ZNF518A: variants seen among roughly 807,000 people sequenced by gnomAD.
ZNF518A encodes zinc finger protein 518.
In ZNF518A, 47 loss-of-function variants were observed where a neutral mutation model predicts 102.7. That is an observed-to-expected ratio of 0.46 (90% CI 0.36 to 0.58). The LOEUF (loss-of-function observed/expected upper bound fraction) is 0.58. Ranked by LOEUF, ZNF518A falls within the 20% of genes least tolerant of loss-of-function variation. The pLI, the probability that ZNF518A is intolerant of heterozygous loss-of-function variation, is 0.00. For missense variants in ZNF518A, 1,793 were observed against 1,699.8 expected (o/e 1.05, Z -0.96); for synonymous variants, 652 against 594.6 (o/e 1.10, Z -1.40).
rs912395457 is a variant in ZNF518A, at chr10:96,162,463, G to A, written c.*1689G>A. On this transcript the variant is annotated 3_prime_UTR_variant, in exon 6 of 6. Coordinates refer to ENST00000316045, the MANE Select transcript of ZNF518A (RefSeq NM_001330736.2). ...CCCAAATGGGCCCATTCCCCTAATA[G>A]TTTTATTTTTAAAGAAAGCCATACA... The A allele has an allele frequency of 6.0e-6, 1 of 166,862 alleles. No homozygotes were observed. Among genetic ancestry groups the A allele is most frequent in the Non-Finnish European group, 1.5e-5 (1 of 68,008 alleles). The allele number at this position is 166,862 out of a possible 1,614,324, so 10.3% of individuals were successfully genotyped here.
intron 1 of ZNF518A, among the ~76,000 whole-genome samples, chr10:96,194,074 A>G (rs1257631498): frequency 1.3e-5 from 2 of 152,184 alleles, no homozygotes; most frequent in Non-Finnish European, 2.9e-5. Flanking sequence ...TCTAAAGTGG[A>G]GATGAAGATT....
chr10:96,134,367 A>G (rs1421155295), intron 3 of ZNF518A, among the ~76,000 whole-genome samples: 2 of 152,034 alleles, frequency 1.3e-5, no homozygotes, highest in African/African-American at 4.8e-5. Context: ...AGTAGCTGGG[A>G]CTATAGGCGC....
chr10:96,169,613 A>C (rs1026663753), intron 1 of ZNF518A, among the ~76,000 whole-genome samples: 2 of 152,176 alleles, frequency 1.3e-5, no homozygotes, highest in African/African-American at 4.8e-5. Context: ...CTTTGAACAT[A>C]TTTAAGATAG....
At chr10:96,181,493 T>C (rs2133892991) in intron 1 of ZNF518A, among the ~76,000 whole-genome samples, 1 of 152,352 alleles carries the variant, frequency 6.6e-6, no homozygotes, top group Non-Finnish European at 1.5e-5. Flanking sequence ...AACATGTAAG[T>C]CTTTAATCCA....
rs1308348278 is a variant in ZNF518A, at chr10:96,159,052, A to G, written c.2730A>G (p.Gln910=). The change falls in exon 6 of 6, where the codon CAA becomes CAG. Residue 910 remains glutamine (Q), a synonymous_variant. Transcript: ENST00000316045. ...AAGACAAACTACGAGCCACCACACA[A>G]AATTTAGGTTCTTTTTATATGCAGA... is the stretch of plus-strand genomic sequence containing the variant. ...LVKDKLRATT[Q]NLGSFYMQSP... is the part of the protein sequence containing the mutation. 3.7e-6 allele frequency: 6 copies of G among 1,613,500 alleles called. No individual in the cohort carries two copies. Among genetic ancestry groups the G allele is most frequent in the Non-Finnish European group, 5.1e-6 (6 of 1,179,742 alleles).
intron 1 of ZNF518A, chr10:96,190,273 A>G: frequency 1.4e-6 from 1 of 699,110 alleles, no homozygotes; most frequent in South Asian, 1.4e-5. Context: ...ATAAACGACC[A>G]CTGCTCAAGA....
chr10:96,158,832 G>A lies in ZNF518A; in HGVS notation c.2510G>A (p.Gly837Asp), dbSNP rs1554885157. The A allele has an allele frequency of 1.2e-6, 2 of 1,613,734 alleles. No homozygotes were observed. The change falls in exon 6 of 6, where the codon GGC becomes GAC. Residue 837 changes from glycine to aspartate, a missense_variant. Physicochemically the swap from Gly to Asp is moderately conservative, Grantham distance 94 (BLOSUM62 -1). Around this residue, in one of 3 missense-constraint regions of ZNF518A, gnomAD observed 1,741 missense variants for 1,622.6 expected, o/e 1.07. Coordinates refer to ENST00000316045, the MANE Select transcript of ZNF518A (RefSeq NM_001330736.2). ...TCTTCGAAAGATTTCAAAGTGCAAG[G>A]CATCTTCCCAGTTCCACCTGGCAGT... is the stretch of plus-strand genomic sequence containing the variant. ...VESSKDFKVQ[G>D]IFPVPPGSVG...
In ZNF518A at chr10:96,159,926, C is replaced by G. The variant is rs782379254; in HGVS notation, c.3604C>G (p.Pro1202Ala). ...ALPFLLDDLMPANEIVITSTA... is the reference protein window; with the variant it reads ...ALPFLLDDLMAANEIVITSTA... Reference sequence around the variant, plus strand: ...ACCCTTCTTACTAGATGACTTAATGCCAGCAAATGAAATTGTGATAACTTC... The same window carrying G: ...ACCCTTCTTACTAGATGACTTAATGGCAGCAAATGAAATTGTGATAACTTC... Residue 1202 changes from proline to alanine, a missense_variant, in exon 6 of 6, where the codon CCA becomes GCA. Physicochemically the swap from Pro to Ala is conservative, Grantham distance 27. Coordinates refer to ENST00000316045, the MANE Select transcript of ZNF518A (RefSeq NM_001330736.2). The G allele has an allele frequency of 6.2e-7, 1 of 1,613,372 alleles. No homozygotes were observed. Among genetic ancestry groups the G allele is most frequent in the Admixed American group, 1.7e-5 (1 of 59,952 alleles).
At chr10:96,193,181 T>C (rs1446475328) in intron 1 of ZNF518A, among the ~76,000 whole-genome samples, 2 of 152,256 alleles carry the variant, frequency 1.3e-5, no homozygotes, top group Non-Finnish European at 2.9e-5. Context: ...CTTTACTTCC[T>C]ATTCAATCAT....
At chr10:96,168,213 C>T (rs1452655098), downstream of ZNF518A, among the ~76,000 whole-genome samples, 8 of 152,170 alleles carry the variant, frequency 5.3e-5, no homozygotes, top group Non-Finnish European at 1.0e-4. Flanking sequence ...GAGTGAGAGG[C>T]CCAGAGGTTG....
chr10:96,190,325 CT>C lies in ZNF518A; in HGVS notation n.36-13248del. ...TGGAATCACGCCAGTAGTATTGTTC[CT>C]GTGTGTCTCTTCATATAGTCTTCTC... is the stretch of plus-strand genomic sequence containing the variant. On this transcript the variant is annotated intron_variant and non_coding_transcript_variant, in intron 1 of 2. Transcript: ENST00000442635. 3 of 574,620 alleles carry C rather than the reference CT, an allele frequency of 5.2e-6. No homozygotes were observed. The South Asian group carries it at 5.5e-5, about 11-fold the overall frequency. 35.6% of individuals were successfully genotyped at this position (574,620 alleles called of 1,614,324 possible).
intron 1 of ZNF518A, 107 bp from the exon 2 acceptor site, chr10:96,132,479 T>G (rs1161898986): frequency 4.4e-5 from 5 of 113,650 alleles, no homozygotes; most frequent in Non-Finnish European, 7.6e-5. Context: ...TTTTTCTTAG[T>G]TTTTTTTTTT....
intron 1 of ZNF518A, among the ~76,000 whole-genome samples, chr10:96,191,352 T>G (rs1419440613): frequency 6.6e-6 from 1 of 151,846 alleles, no homozygotes; most frequent in African/African-American, 2.4e-5. Flanking sequence ...GATAGACATG[T>G]AGATCAAAGA....
exon 3 of ZNF518A, chr10:96,204,026 C>T (rs2083729203): frequency 6.2e-7 from 1 of 1,600,800 alleles, no homozygotes; most frequent in East Asian, 2.2e-5. Context: ...CGACCACTCC[C>T]TGATACACTA....
intron 1 of ZNF518A, among the ~76,000 whole-genome samples, chr10:96,178,775 A>G (rs189768074): frequency 2.9e-4 from 44 of 152,192 alleles, no homozygotes; most frequent in Admixed American, 1.2e-3. Flanking sequence ...AAAGCATTAT[A>G]TTAGAATATA....
rs587653648 is a variant in ZNF518A, at chr10:96,143,390, C to G, written c.-302+9742C>G. Reference sequence around the variant, plus strand: ...CCCCATCATGCATTCTCTTTTTCATCTAGACCCTGTGGTACCTTAGGAGAA... The same window carrying G: ...CCCCATCATGCATTCTCTTTTTCATGTAGACCCTGTGGTACCTTAGGAGAA... On this transcript the variant is annotated intron_variant, in intron 3 of 5. Transcript: ENST00000316045. Among the ~76,000 whole-genome samples, 11 of 152,274 alleles carry G rather than the reference C, an allele frequency of 7.2e-5. No individual in the cohort carries two copies. In the East Asian group the frequency reaches 1.2e-3, roughly 16 times the overall value.
At chr10:96,164,175 G>A (rs587599848), downstream of ZNF518A, among the ~76,000 whole-genome samples, 5 of 152,292 alleles carry the variant, frequency 3.3e-5, no homozygotes, top group South Asian at 2.1e-4. Flanking sequence ...TCTTGGGGTG[G>A]GAGAAAATGG....
chr10:96,167,848 G>T (rs1187300715), downstream of ZNF518A, among the ~76,000 whole-genome samples: 1 of 152,174 alleles, frequency 6.6e-6, no homozygotes, highest in Non-Finnish European at 1.5e-5. Flanking sequence ...AGCTTTCATA[G>T]CTGTGACACC....
rs1225260722 is a variant in ZNF518A at position 96,159,310 on chromosome 10, G to A, written c.2988G>A (p.Glu996=). ...KLEGVSAVKT[E]GAPARGTVTK... is the part of the protein sequence containing the mutation. Reference sequence around the variant, plus strand: ...AAGGTGTTTCCGCTGTCAAAACCGAGGGTGCCCCAGCTCGTGGAACTGTGA... The same window carrying A: ...AAGGTGTTTCCGCTGTCAAAACCGAAGGTGCCCCAGCTCGTGGAACTGTGA... The change falls in exon 6 of 6, where the codon GAG becomes GAA. Residue 996 remains glutamate, a synonymous_variant. Coordinates refer to ENST00000316045, the MANE Select transcript of ZNF518A (RefSeq NM_001330736.2). 3.1e-6 allele frequency: 5 copies of A among 1,613,336 alleles called. No individual in the cohort carries two copies. The highest frequency in any genetic ancestry group is 4.2e-6 in the Non-Finnish European group (5 of 1,179,668).
Sources: gnomAD v4.1 joint callset for allele counts (sites outside exome capture counted in the v4.1 genomes callset) on GRCh38, gnomAD v4.1.1 for gene constraint, gnomAD v4.1.1 regional missense constraint, MANE v1.5 for transcripts, NCBI Gene and HGNC (gene_info 2026-07-23, HGNC 2026-07-21) for gene names.